The following SPSB4 variants were observed in gnomAD, a reference collection of about 807,000 sequenced individuals.
The protein encoded by SPSB4 is splA/ryanodine receptor domain and SOCS box containing 4, also known as SPRY domain-containing SOCS box protein 4.
A neutral mutation model predicts 20.9 loss-of-function variants in SPSB4; 21 were observed. The ratio of observed to expected loss-of-function variants is 1.01; its 90% CI spans 0.71 to 1.45. The LOEUF is 1.45. Ranked by LOEUF, SPSB4 falls within the 40% of genes most tolerant of loss-of-function variation. The pLI, the probability that SPSB4 is intolerant of heterozygous loss-of-function variation, is 0.00. For synonymous variants in SPSB4, 207 were observed against 183.8 expected, an observed-to-expected ratio of 1.13 and a Z score of -1.02; for missense variants, 399 against 399.2, an observed-to-expected ratio of 1.00 and a Z score of 0.00.
intron 2 of SPSB4, among the ~76,000 whole-genome samples, chr3:141,072,631 TGCAGAGCCCTGA>T (rs1442549662): frequency 1.3e-5 from 2 of 152,218 alleles, no homozygotes; most frequent in African/African-American, 2.4e-5. Context: ...TTGTACAGCC[TGCAGAGCCCTGA>T]GCCAAATAAA....
At chr3:141,109,262 C>T (rs1245752327) in intron 2 of SPSB4, among the ~76,000 whole-genome samples, 2 of 152,056 alleles carry the variant, frequency 1.3e-5, no homozygotes, top group African/African-American at 4.8e-5. Flanking sequence ...GCTTCCATCA[C>T]TTCATATATC....
At chr3:141,135,007 C>G (rs1939202053) in intron 2 of SPSB4, among the ~76,000 whole-genome samples, 1 of 151,854 alleles carries the variant, frequency 6.6e-6, no homozygotes, top group African/African-American at 2.4e-5. Context: ...AATCACCACT[C>G]AGATCAATAC....
At chr3:141,133,125 A>G (rs1208576349) in intron 2 of SPSB4, among the ~76,000 whole-genome samples, 1 of 152,156 alleles carries the variant, frequency 6.6e-6, no homozygotes, top group Non-Finnish European at 1.5e-5. Flanking sequence ...TTTTCTATTC[A>G]TATCCTTTGC....
At chr3:141,103,946 A>T (rs1938650672) in intron 2 of SPSB4, among the ~76,000 whole-genome samples, 1 of 152,090 alleles carries the variant, frequency 6.6e-6, no homozygotes, top group South Asian at 2.1e-4. Context: ...ACCCAAAGAG[A>T]TCATGCTCAA....
chr3:141,146,938 T>C (rs1023407726), intron 2 of SPSB4, among the ~76,000 whole-genome samples: 3 of 152,204 alleles, frequency 2.0e-5, no homozygotes, highest in African/African-American at 7.2e-5. Flanking sequence ...GACTCTTTAG[T>C]CTCACTGGTT....
chr3:141,101,352 G>A (rs964069128), intron 2 of SPSB4, among the ~76,000 whole-genome samples: 1 of 152,216 alleles, frequency 6.6e-6, no homozygotes, highest in Non-Finnish European at 1.5e-5. Context: ...AGGACCAGGG[G>A]CTGGGAACCT....
chr3:141,080,886 C>T lies in SPSB4; in HGVS notation c.694+14088C>T, dbSNP rs181235176. 3.8e-4 allele frequency among the ~76,000 whole-genome samples: 58 copies of T among 152,324 alleles called. 1 individual carries two copies. Among genetic ancestry groups the T allele is most frequent in the Non-Finnish European group, 7.5e-4 (51 of 68,036 alleles). ...GTGTGGGATTATAAAAGGCAGGAGG[C>T]GGACAGGTCCTGGAAAGAGCACTTG... On this transcript the variant is annotated intron_variant, in intron 2 of 2. Transcript: ENST00000310546.
rs2107778812 is a variant in SPSB4 at position 141,066,256 on chromosome 3, A to G, written c.152A>G (p.Gln51Arg). ...LDMPAAGLAV[Q>R]LRHAWNPEDR... ...ATGCCAGCGGCGGGGCTGGCTGTGC[A>G]GCTGCGGCACGCGTGGAACCCCGAG... is the stretch of plus-strand genomic sequence containing the variant. The change falls in exon 2 of 3, where the codon CAG becomes CGG. Residue 51 changes from glutamine (Q) to arginine (R), a missense_variant. Gln to Arg is a conservative substitution (Grantham distance 43). Transcript: ENST00000310546. 6.5e-7 allele frequency: 1 copy of G among 1,541,472 alleles called. No individual in the cohort carries two copies. The highest frequency in any genetic ancestry group is 2.5e-5 in the East Asian group (1 of 40,536).
chr3:141,123,864 C>T (rs548387355), intron 2 of SPSB4, among the ~76,000 whole-genome samples: 1 of 152,314 alleles, frequency 6.6e-6, no homozygotes, highest in East Asian at 1.9e-4. Context: ...CATCCAAGGC[C>T]AGCATGTCCA....
At chr3:141,142,879 T>A (rs544043952) in intron 2 of SPSB4, among the ~76,000 whole-genome samples, 76 of 139,614 alleles carry the variant, frequency 5.4e-4, no homozygotes, top group African/African-American at 1.9e-3. Context: ...TGCAGTGGCA[T>A]GATCTCAGCT....
intron 2 of SPSB4, among the ~76,000 whole-genome samples, chr3:141,075,414 G>A (rs542040479): frequency 1.5e-4 from 23 of 152,158 alleles, no homozygotes; most frequent in African/African-American, 4.6e-4. Context: ...TGGTCTTCCT[G>A]TTTAGTACCT....
At position 141,147,141 on chromosome 3, in the gene SPSB4, G is replaced by A; in HGVS notation, c.695-1G>A. The A allele has an allele frequency of 6.2e-7, 1 of 1,613,936 alleles. No homozygotes were observed. The highest frequency in any genetic ancestry group is 8.5e-7 in the Non-Finnish European group (1 of 1,180,032). ...CTCTAACTGCTTCCCTCTCATTGCA[G>A]CCGAGCCCCTGCCACTGATGGACCT... On this transcript the variant is annotated splice_acceptor_variant, in intron 2 of 2. Transcript: ENST00000310546. LOFTEE classifies it high-confidence loss of function.
intron 1 of SPSB4, among the ~76,000 whole-genome samples, chr3:141,062,155 C>A (rs1021469293): frequency 6.6e-6 from 1 of 152,114 alleles, no homozygotes; most frequent in Admixed American, 6.5e-5. Flanking sequence ...GATGACCTTG[C>A]CGGTTAGGTC....
chr3:141,141,546 T>C (rs1939329640), intron 2 of SPSB4, among the ~76,000 whole-genome samples: 1 of 152,212 alleles, frequency 6.6e-6, no homozygotes, highest in South Asian at 2.1e-4. Context: ...GAGCTTTCCC[T>C]GACACAGAAG....
intron 1 of SPSB4, among the ~76,000 whole-genome samples, chr3:141,061,944 A>G (rs1937774817): frequency 6.6e-6 from 1 of 152,186 alleles, no homozygotes; most frequent in African/African-American, 2.4e-5. Flanking sequence ...CATGTTGGCC[A>G]GGCTAGTCTT....
intron 2 of SPSB4, among the ~76,000 whole-genome samples, chr3:141,075,230 A>G (rs1938083589): frequency 6.6e-6 from 1 of 151,920 alleles, no homozygotes; most frequent in East Asian, 1.9e-4. Flanking sequence ...GGACTTTCTG[A>G]GGGGAGGCCT....
intron 2 of SPSB4, among the ~76,000 whole-genome samples, chr3:141,073,788 G>A (rs767382077): frequency 1.3e-5 from 2 of 152,196 alleles, no homozygotes; most frequent in African/African-American, 2.4e-5. Context: ...CTGCCCCTGA[G>A]TGACCCTTTT....
chr3:141,100,327 T>A (rs934049684), intron 2 of SPSB4, among the ~76,000 whole-genome samples: 2 of 152,194 alleles, frequency 1.3e-5, no homozygotes, highest in African/African-American at 4.8e-5. Flanking sequence ...AGGGTGGGCC[T>A]GAATCTGCTG....
At chr3:141,129,033 G>C (rs1308242739) in intron 2 of SPSB4, among the ~76,000 whole-genome samples, 1 of 152,188 alleles carries the variant, frequency 6.6e-6, no homozygotes, top group African/African-American at 2.4e-5. Flanking sequence ...GCTGCTGTTT[G>C]CTCTGCAACA....
Sources: allele counts gnomAD v4.1 joint callset (sites outside exome capture counted in the v4.1 genomes callset), GRCh38; gene constraint gnomAD v4.1.1; transcripts MANE v1.5; gene names NCBI Gene and HGNC (gene_info 2026-07-23, HGNC 2026-07-21).